LAMC3: variants seen among roughly 807,000 people sequenced by gnomAD.
The protein encoded by LAMC3 is laminin subunit gamma 3, also known as laminin subunit gamma-3.
Under a neutral mutation model 173.8 loss-of-function variants are expected in LAMC3, and 128 were observed. That is an observed-to-expected ratio of 0.74 (90% CI 0.64 to 0.85). The LOEUF (loss-of-function observed/expected upper bound fraction) is 0.85, where lower values mean the gene tolerates loss of function less well. Ranked by LOEUF, LAMC3 falls within the 40% of genes least tolerant of loss-of-function variation. The pLI, the probability that LAMC3 is intolerant of heterozygous loss-of-function variation, is 0.00. For missense variants in LAMC3, 2,022 were observed against 2,156.0 expected (o/e 0.94, Z 1.23); for synonymous variants, 897 against 909.1 (o/e 0.99, Z 0.24).
intron 18 of LAMC3, 136 bp downstream of exon 18, chr9:131,071,761 C>T: frequency 1.2e-6 from 1 of 821,812 alleles, no homozygotes; most frequent in Non-Finnish European, 1.8e-6. Context: ...CCTAGCCCAC[C>T]TGTAACTTTA....
At chr9:131,015,296 C>G (rs749007018) in intron 1 of LAMC3, among the ~76,000 whole-genome samples, 2 of 152,156 alleles carry the variant, frequency 1.3e-5, no homozygotes, top group African/African-American at 2.4e-5. Flanking sequence ...CTCCCGTACT[C>G]CTAAGCCACG....
At chr9:131,040,015 C>CT (rs35416772) in intron 6 of LAMC3, among the ~76,000 whole-genome samples, 74,777 of 127,248 alleles carry the variant, frequency 0.59, 23,542 homozygotes, top group South Asian at 0.71. Flanking sequence ...AATTTAGAAG[C>CT]TTTTTTTTTT....
chr9:131,072,615 G>C lies in LAMC3; in HGVS notation c.3212-15G>C, dbSNP rs752277960. 3.1e-6 allele frequency: 5 copies of C among 1,603,264 alleles called. No homozygotes were observed. Among genetic ancestry groups the C allele is most frequent in the Non-Finnish European group, 4.3e-6 (5 of 1,176,102 alleles). On this transcript the variant is annotated splice_polypyrimidine_tract_variant and intron_variant, in intron 18 of 27. Transcript: ENST00000361069. ...TCCACCACTTTGTGACCCCTGGGCT[G>C]TGGGCTTCCCATAGGGGCTCGGGAA...
chr9:131,069,176 G>C, intron 16 of LAMC3, 126 bp downstream of exon 16: 1 of 1,127,320 alleles, frequency 8.9e-7, no homozygotes. Context: ...AGGGTCCCGA[G>C]AGCAGCCGGA....
intron 8 of LAMC3, among the ~76,000 whole-genome samples, chr9:131,047,127 C>T (rs1336161130): frequency 6.8e-6 from 1 of 146,534 alleles, no homozygotes; most frequent in African/African-American, 2.5e-5. Context: ...GTTGCCCTTG[C>T]GCAGGAGTTC....
intron 21 of LAMC3, among the ~76,000 whole-genome samples, chr9:131,076,299 T>G (rs953458268): frequency 6.6e-6 from 1 of 151,640 alleles, no homozygotes; most frequent in African/African-American, 2.4e-5. Context: ...CCAGGGCAGC[T>G]CCTCTGAGCT....
chr9:131,045,498 G>T, intron 7 of LAMC3, 26 bp from the exon 8 acceptor site: 1 of 1,612,702 alleles, frequency 6.2e-7, no homozygotes, highest in Non-Finnish European at 8.5e-7. Context: ...CGTGGCCCTC[G>T]TGGGCATGTC....
rs567358418 is a variant in LAMC3, at chr9:131,075,773, A to G, written c.3495-58A>G. On this transcript the variant is annotated intron_variant, in intron 20 of 27. Coordinates refer to ENST00000361069, the MANE Select transcript of LAMC3 (RefSeq NM_006059.4). The stretch of plus-strand genomic sequence containing the variant: ...CTGTGTAGTAGGGGGCGTAGTTCTG[A>G]TCCTGGGCCCCTTCCCTGCGAGCCC... The G allele has an allele frequency of 4.2e-5, 65 of 1,562,680 alleles. No homozygotes were observed. The African/African-American group carries it at 7.8e-4, about 19-fold the overall frequency.
chr9:131,083,529 G>C (rs1421847667), intron 24 of LAMC3, among the ~76,000 whole-genome samples: 2 of 152,138 alleles, frequency 1.3e-5, no homozygotes, highest in African/African-American at 4.8e-5. Context: ...GCCAAGAGAG[G>C]GTTTGTGTTC....
intron 3 of LAMC3, among the ~76,000 whole-genome samples, chr9:131,035,910 G>A (rs1203486429): frequency 6.6e-6 from 1 of 152,182 alleles, no homozygotes. Flanking sequence ...GCTTCTCTGT[G>A]CCTCTCAGTT....
intron 2 of LAMC3, among the ~76,000 whole-genome samples, chr9:131,031,028 G>T (rs769830909): frequency 6.6e-6 from 1 of 152,256 alleles, no homozygotes; most frequent in Non-Finnish European, 1.5e-5. Context: ...GTGTTTGGGT[G>T]CTGGACCCCT....
intron 2 of LAMC3, among the ~76,000 whole-genome samples, chr9:131,028,101 CGCCTCCTGTCAGATCA>C (rs61143690): frequency 0.29 from 43,970 of 151,432 alleles, 8,794 homozygotes; most frequent in African/African-American, 0.57. Flanking sequence ...GCCTGAGCTC[CGCCTCCTGTCAGATCA>C]GCCTCCTGTC....
rs1830459647 is a variant in LAMC3, at chr9:131,093,621, T to C, written c.*1834T>C. 1 of 152,224 alleles carries C rather than the reference T, an allele frequency of 6.6e-6. No homozygotes were observed. The highest frequency in any genetic ancestry group is 1.5e-5 in the Non-Finnish European group (1 of 68,088). 9.4% of individuals were successfully genotyped at this position (152,224 alleles called of 1,614,324 possible). A position where few individuals can be genotyped will look rare whatever the true frequency, so the allele number is the denominator to read the frequency against. On this transcript the variant is annotated 3_prime_UTR_variant, in exon 28 of 28. Transcript: ENST00000361069. ...GCCTCAAACCCCTCCTGAGGTGGTT[T>C]CAGCAGAAAAGGGGTGTTGGGAGGG...
chr9:131,026,135 T>A lies in LAMC3; in HGVS notation c.374-150T>A. On this transcript the variant is annotated intron_variant, in intron 1 of 27. Transcript: ENST00000361069. The surrounding 1 kb of genome is among the most constrained non-coding windows in gnomAD (Gnocchi z 4.8). ...CCAGTGCCCCAGCAGGCATCATGAA[T>A]GGAGGGTGGCTTCCCCTGTCCAGAG... 1.4e-6 allele frequency: 2 copies of A among 1,475,166 alleles called. No homozygotes were observed. Among genetic ancestry groups the A allele is most frequent in the Non-Finnish European group, 1.8e-6 (2 of 1,092,830 alleles). The allele number at this position is 1,475,166 out of a possible 1,614,324, so 91.4% of individuals were successfully genotyped here.
intron 23 of LAMC3, among the ~76,000 whole-genome samples, chr9:131,081,106 T>C (rs1186106617): frequency 1.3e-5 from 2 of 152,206 alleles, no homozygotes; most frequent in Non-Finnish European, 2.9e-5. Context: ...TCTCTGTCTC[T>C]GTAGATTTCC....
At position 131,041,679 on chromosome 9, in the gene LAMC3, C is replaced by T. The variant is rs754650585; in HGVS notation, c.1326C>T (p.Asp442=). The change falls in exon 7 of 28, where the codon GAC becomes GAT. Residue 442 remains aspartate, a synonymous_variant. Coordinates refer to ENST00000361069, the MANE Select transcript of LAMC3 (RefSeq NM_006059.4). The part of the protein sequence containing the change: ...CNPAGSLDTC[D]PRSGRCPCKE... ...CCGCTGGCAGCCTGGACACCTGTGA[C>T]CCCCGCAGTGGGCGCTGCCCCTGCA... 1 of 1,614,126 alleles carries T rather than the reference C, an allele frequency of 6.2e-7. No homozygotes were observed. Among genetic ancestry groups the T allele is most frequent in the East Asian group, 2.2e-5 (1 of 44,884 alleles).
chr9:131,042,623 G>A (rs576096967), intron 7 of LAMC3, among the ~76,000 whole-genome samples: 165 of 139,878 alleles, frequency 1.2e-3, no homozygotes, highest in African/African-American at 3.8e-3. Flanking sequence ...CCCACAGCAG[G>A]CATCACTAAT....
Position 131,026,427 on chromosome 9 carries a change from C to G in LAMC3, c.516C>G (p.Gly172=), listed in dbSNP as rs760040324. Residue 172 remains glycine (G), a synonymous_variant, in exon 2 of 28, where the codon GGC becomes GGG. Transcript: ENST00000361069. The surrounding 1 kb of genome is among the most constrained non-coding windows in gnomAD (Gnocchi z 4.8). ...GCGCCTCCTGCCAGAAGACCTACGG[C>G]CGGCCCGAGGGCCAGTACCTGCGCC... ...FYSASCQKTY[G]RPEGQYLRPG... The G allele has an allele frequency of 6.2e-7, 1 of 1,613,818 alleles. No individual in the cohort carries two copies. Among genetic ancestry groups the G allele is most frequent in the East Asian group, 2.2e-5 (1 of 44,884 alleles).
At chr9:131,025,612 T>G (rs192608857) in intron 1 of LAMC3, among the ~76,000 whole-genome samples, 1 of 151,938 alleles carries the variant, frequency 6.6e-6, no homozygotes, top group South Asian at 2.1e-4. Flanking sequence ...GAGGGGACTT[T>G]CGAGGAGGTG....
Sources: gnomAD v4.1 joint callset for allele counts (sites outside exome capture counted in the v4.1 genomes callset) on GRCh38, gnomAD v4.1.1 for gene constraint, Gnocchi (gnomAD v3.1) non-coding constraint, MANE v1.5 for transcripts, NCBI Gene and HGNC (gene_info 2026-07-23, HGNC 2026-07-21) for gene names.